Variants in ZNF407 observed in about 807,000 individuals in gnomAD.
ZNF407 encodes zinc finger protein 407.
In ZNF407, 17 loss-of-function variants were observed where a neutral mutation model predicts 131.2. The observed-to-expected ratio is 0.13, with a 90% confidence interval of 0.09 to 0.19. The LOEUF (loss-of-function observed/expected upper bound fraction) is 0.19. ZNF407 is among the 10% of genes least tolerant of loss of function. The pLI, the probability that ZNF407 is intolerant of heterozygous loss-of-function variation, is 1.00. For synonymous variants in ZNF407, 1,156 were observed against 1,062.0 expected (o/e 1.09, Z -1.72); for missense variants, 2,681 against 2,830.6 (o/e 0.95, Z 1.20).
chr18:75,038,293 T>G (rs1166936110), intron 8 of ZNF407, among the ~76,000 whole-genome samples: 1 of 152,240 alleles, frequency 6.6e-6, no homozygotes, highest in African/African-American at 2.4e-5. Flanking sequence ...AGGAGCTGGA[T>G]GGGTAACCAA....
At chr18:74,845,153 G>A (rs1278529964) in intron 4 of ZNF407, among the ~76,000 whole-genome samples, 1 of 152,196 alleles carries the variant, frequency 6.6e-6, no homozygotes, top group Non-Finnish European at 1.5e-5. Flanking sequence ...CTTAATTTTA[G>A]TCAACCTTAA....
intron 8 of ZNF407, among the ~76,000 whole-genome samples, chr18:75,046,111 A>G (rs1973432555): frequency 6.6e-6 from 1 of 152,224 alleles, no homozygotes. Flanking sequence ...CATTTGAACT[A>G]TAATGCTACA....
chr18:74,902,928 TG>T (rs1971548710), intron 7 of ZNF407, among the ~76,000 whole-genome samples: 1 of 152,108 alleles, frequency 6.6e-6, no homozygotes, highest in African/African-American at 2.4e-5. Flanking sequence ...TACCTCTCCA[TG>T]GGATGGATCA....
chr18:74,912,965 A>AGAGAAAT (rs2145226555), intron 7 of ZNF407, among the ~76,000 whole-genome samples: 1 of 152,328 alleles, frequency 6.6e-6, no homozygotes, highest in African/African-American at 2.4e-5. Context: ...TTTGATTACA[A>AGAGAAAT]GAGAAATGCA....
chr18:74,748,123 A>C (rs1275487625), intron 3 of ZNF407, among the ~76,000 whole-genome samples: 1 of 152,144 alleles, frequency 6.6e-6, no homozygotes, highest in Non-Finnish European at 1.5e-5. Flanking sequence ...GATATGTTCA[A>C]CTATTTTAAT....
At chr18:74,979,245 G>A (rs1420172530) in intron 8 of ZNF407, among the ~76,000 whole-genome samples, 1 of 152,126 alleles carries the variant, frequency 6.6e-6, no homozygotes, top group East Asian at 1.9e-4. Context: ...CAGAGTACAG[G>A]CATTCAAGTG....
intron 1 of ZNF407, among the ~76,000 whole-genome samples, chr18:74,618,751 C>T (rs1197110268): frequency 1.3e-5 from 2 of 152,080 alleles, no homozygotes; most frequent in Non-Finnish European, 2.9e-5. Flanking sequence ...ACAATTTCAC[C>T]ATGCAGAGGA....
intron 4 of ZNF407, among the ~76,000 whole-genome samples, chr18:74,852,211 G>T (rs988841375): frequency 6.6e-6 from 1 of 150,754 alleles, no homozygotes; most frequent in Non-Finnish European, 1.5e-5. Flanking sequence ...ACGCACGCAC[G>T]CGCACGCGCG....
At chr18:74,852,782 G>T (rs1970807777) in intron 4 of ZNF407, among the ~76,000 whole-genome samples, 1 of 152,134 alleles carries the variant, frequency 6.6e-6, no homozygotes, top group Non-Finnish European at 1.5e-5. Context: ...AGTCATAACC[G>T]AGGCTTCATA....
At chr18:74,850,989 A>G (rs1283039378) in intron 4 of ZNF407, among the ~76,000 whole-genome samples, 3 of 152,236 alleles carry the variant, frequency 2.0e-5, no homozygotes, top group Non-Finnish European at 4.4e-5. Flanking sequence ...GTCCATAAAA[A>G]TAATTCCCCT....
chr18:74,687,840 A>G (rs144802079), intron 3 of ZNF407, among the ~76,000 whole-genome samples: 45 of 152,296 alleles, frequency 3.0e-4, no homozygotes, highest in African/African-American at 1.0e-3. Context: ...TATGGTTTCA[A>G]GAATGCCATG....
intron 4 of ZNF407, among the ~76,000 whole-genome samples, chr18:74,852,381 G>A (rs548228882): frequency 1.3e-5 from 2 of 152,200 alleles, no homozygotes; most frequent in South Asian, 4.1e-4. Context: ...TGTGACACAT[G>A]TCAAATTGAC....
chr18:74,804,814 C>T (rs1970083913), intron 4 of ZNF407, among the ~76,000 whole-genome samples: 1 of 152,164 alleles, frequency 6.6e-6, no homozygotes, highest in Non-Finnish European at 1.5e-5. Flanking sequence ...TTTAAAGTAA[C>T]ACTAAGCATG....
At chr18:74,759,760 A>G (rs1010049851) in intron 3 of ZNF407, among the ~76,000 whole-genome samples, 2 of 131,360 alleles carry the variant, frequency 1.5e-5, no homozygotes, top group African/African-American at 2.8e-5. Flanking sequence ...TAATTCTCTT[A>G]TTTTCCTGTA....
At chr18:74,732,735 C>T (rs572727137) in intron 3 of ZNF407, among the ~76,000 whole-genome samples, 1 of 152,230 alleles carries the variant, frequency 6.6e-6, no homozygotes, top group East Asian at 1.9e-4. Context: ...CCTCCTATTT[C>T]CCCCCAAAAT....
chr18:74,678,970 C>T (rs1966916880), intron 3 of ZNF407, among the ~76,000 whole-genome samples: 2 of 151,760 alleles, frequency 1.3e-5, no homozygotes, highest in South Asian at 2.1e-4. Context: ...AATGGGCCCA[C>T]CGAGAGATGC....
chr18:74,645,123 T>TAATC (rs59714183), intron 3 of ZNF407, among the ~76,000 whole-genome samples: 1 of 94,678 alleles, frequency 1.1e-5, no homozygotes, highest in Non-Finnish European at 2.0e-5. Context: ...CATGTGTTGA[T>TAATC]TATTGCATTT....
In ZNF407 at chr18:74,923,062, T is replaced by C. The variant is rs138408349; in HGVS notation, c.5428+2370T>C. Among the ~76,000 whole-genome samples the C allele has an allele frequency of 2.1e-3, 321 of 152,322 alleles. 4 individuals are homozygous for C. The highest frequency in any genetic ancestry group is 7.3e-3 in the African/African-American group (304 of 41,564). On this transcript the variant is annotated intron_variant, in intron 8 of 8. Coordinates refer to ENST00000299687, the MANE Select transcript of ZNF407 (RefSeq NM_017757.3). Reference sequence around the variant, plus strand: ...TGGTTGCACAGTTTGTTTTTCCCTCTCTAGCAGAAGTTGATGATTTATTGT... The same window carrying C: ...TGGTTGCACAGTTTGTTTTTCCCTCCCTAGCAGAAGTTGATGATTTATTGT...
intron 8 of ZNF407, among the ~76,000 whole-genome samples, chr18:75,042,009 CCTTT>C (rs1361485122): frequency 1.3e-5 from 2 of 151,630 alleles, no homozygotes; most frequent in Non-Finnish European, 2.9e-5. Flanking sequence ...ACATATTTGG[CCTTT>C]CTGAATATCC....
Sources: gnomAD v4.1 joint callset for allele counts (sites outside exome capture counted in the v4.1 genomes callset) on GRCh38, gnomAD v4.1.1 for gene constraint, MANE v1.5 for transcripts, NCBI Gene and HGNC (gene_info 2026-07-23, HGNC 2026-07-21) for gene names.